The following PCDH7 variants were observed in gnomAD, a reference collection of about 807,000 sequenced individuals.
The protein encoded by PCDH7 is protocadherin-7.
Under a neutral mutation model 58.9 loss-of-function variants are expected in PCDH7, and 17 were observed. That is an observed-to-expected ratio of 0.29 (90% confidence interval 0.20 to 0.43). PCDH7 has a LOEUF of 0.43. Ranked by LOEUF, PCDH7 falls within the 20% of genes least tolerant of loss-of-function variation. The pLI, the probability that PCDH7 is intolerant of heterozygous loss-of-function variation, is 1.00. For missense variants in PCDH7, 1,274 were observed against 1,441.0 expected, an observed-to-expected ratio of 0.88 and a Z score of 1.88; for synonymous variants, 664 against 616.4, an observed-to-expected ratio of 1.08 and a Z score of -1.14.
At chr4:31,056,518 G>GAAAGAAAGAAAGA (rs1560608945) in intron 3 of PCDH7, among the ~76,000 whole-genome samples, 3 of 74,936 alleles carry the variant, frequency 4.0e-5, no homozygotes, top group East Asian at 7.0e-4. Context: ...AGAAAGAAAG[G>GAAAGAAAGAAAGA]GGAAGGGAAG....
At chr4:31,055,217 T>C (rs1268553366) in intron 3 of PCDH7, among the ~76,000 whole-genome samples, 1 of 152,154 alleles carries the variant, frequency 6.6e-6, no homozygotes, top group Admixed American at 6.6e-5. Context: ...AACCTCCTCC[T>C]GCACAGAAAA....
chr4:30,926,345 C>T (rs60680305), intron 2 of PCDH7, among the ~76,000 whole-genome samples: 1,639 of 152,074 alleles, frequency 0.011, 25 homozygotes, highest in African/African-American at 0.038. Flanking sequence ...CCACCACACT[C>T]GGCTAATTTT....
At chr4:31,011,863 T>C (rs1212919150) in intron 3 of PCDH7, among the ~76,000 whole-genome samples, 1 of 152,202 alleles carries the variant, frequency 6.6e-6, no homozygotes, top group Non-Finnish European at 1.5e-5. Context: ...TATACCATAA[T>C]TATTTTTTAA....
downstream of PCDH7, among the ~76,000 whole-genome samples, chr4:30,735,680 G>A (rs1312173546): frequency 6.6e-6 from 1 of 152,162 alleles, no homozygotes; most frequent in Non-Finnish European, 1.5e-5. Context: ...TAGCTTAGAA[G>A]ACTGAGACTT....
intron 3 of PCDH7, among the ~76,000 whole-genome samples, chr4:31,013,850 A>G (rs541432499): frequency 7.0e-4 from 107 of 152,270 alleles, no homozygotes; most frequent in African/African-American, 2.5e-3. Flanking sequence ...GTCACATAGA[A>G]TTCCATTCTG....
rs368715084 is a variant in PCDH7 at position 31,007,907 on chromosome 4, G to T, written c.*7+57692G>T. Among the ~76,000 whole-genome samples, 8 of 152,084 alleles carry T rather than the reference G, an allele frequency of 5.3e-5. No individual in the cohort carries two copies. In the East Asian group the frequency reaches 1.4e-3, roughly 26 times the overall value. ...AGAATCAGCTTTCTTTTCTTTTACT[G>T]CCTGAACATGCTTTACCCTGAAATC... On this transcript the variant is annotated intron_variant, in intron 3 of 3. Coordinates refer to the PCDH7 transcript ENST00000509759.
chr4:30,830,630 A>G (rs1355988387), intron 1 of PCDH7, among the ~76,000 whole-genome samples: 1 of 151,940 alleles, frequency 6.6e-6, no homozygotes, highest in African/African-American at 2.4e-5. Context: ...CAGTGCTAAC[A>G]CTAATAATAA....
chr4:30,746,943 T>C (rs1351314460), intron 1 of PCDH7, among the ~76,000 whole-genome samples: 1 of 152,208 alleles, frequency 6.6e-6, no homozygotes, highest in Non-Finnish European at 1.5e-5. Context: ...GTCATTTGTG[T>C]CACTGGGTCA....
At chr4:30,756,286 C>G (rs1216129196) in intron 1 of PCDH7, among the ~76,000 whole-genome samples, 1 of 151,952 alleles carries the variant, frequency 6.6e-6, no homozygotes, top group Non-Finnish European at 1.5e-5. Context: ...AGGGATCTTC[C>G]CTCATGACCC....
rs567335950 is a variant in PCDH7 at position 30,757,856 on chromosome 4, G to A, written c.70+33260G>A. ...TCAATAAAAGCTTGTAGAATGATTG[G>A]AGTGATCAGATTAGTGACTGAAAGC... On this transcript the variant is annotated intron_variant, in intron 1 of 3. Transcript: ENST00000509759. Among the ~76,000 whole-genome samples, 210 of 152,302 alleles carry A rather than the reference G, an allele frequency of 1.4e-3. 3 individuals are homozygous for A. Among genetic ancestry groups the A allele is most frequent in the African/African-American group, 4.9e-3 (204 of 41,572 alleles).
At chr4:31,104,692 G>A (rs537966650) in intron 3 of PCDH7, among the ~76,000 whole-genome samples, 16 of 152,250 alleles carry the variant, frequency 1.1e-4, no homozygotes, top group South Asian at 2.1e-4. Context: ...TAAGAGCGAC[G>A]TGGTCTACAT....
chr4:31,067,791 A>G (rs1758215578), intron 3 of PCDH7, among the ~76,000 whole-genome samples: 2 of 152,100 alleles, frequency 1.3e-5, no homozygotes, highest in South Asian at 4.1e-4. Context: ...GAATTTTGAG[A>G]CGTTCATTCT....
chr4:30,757,984 G>T (rs1719536312), intron 1 of PCDH7, among the ~76,000 whole-genome samples: 1 of 152,134 alleles, frequency 6.6e-6, no homozygotes, highest in Non-Finnish European at 1.5e-5. Context: ...TGCTATCACG[G>T]GGAGCTTACA....
intron 1 of PCDH7, among the ~76,000 whole-genome samples, chr4:30,856,438 G>C (rs1007876557): frequency 5.3e-5 from 8 of 151,952 alleles, no homozygotes; most frequent in Non-Finnish European, 1.0e-4. Context: ...AAGAAATACA[G>C]ATTAAACTTT....
At chr4:31,110,696 A>T (rs1437588041) in intron 3 of PCDH7, among the ~76,000 whole-genome samples, 1 of 152,078 alleles carries the variant, frequency 6.6e-6, no homozygotes, top group Non-Finnish European at 1.5e-5. Flanking sequence ...CGGGTGGATC[A>T]CGAGGTCAGG....
At chr4:30,727,724 A>G in intron 1 of PCDH7, among the ~76,000 whole-genome samples, 1 of 151,882 alleles carries the variant, frequency 6.6e-6, no homozygotes. Flanking sequence ...TTTCATTCAT[A>G]ACATAAAGGC....
At chr4:30,863,914 A>G (rs913918167) in intron 1 of PCDH7, among the ~76,000 whole-genome samples, 6 of 152,120 alleles carry the variant, frequency 3.9e-5, no homozygotes, top group Non-Finnish European at 8.8e-5. Context: ...GCTGACTGTA[A>G]CTCAGACATA....
At chr4:31,134,181 G>A (rs1435428583) in intron 3 of PCDH7, among the ~76,000 whole-genome samples, 2 of 152,132 alleles carry the variant, frequency 1.3e-5, no homozygotes, top group Non-Finnish European at 2.9e-5. Context: ...AGTAGAATGG[G>A]CCAGGCACGG....
intron 1 of PCDH7, among the ~76,000 whole-genome samples, chr4:30,852,569 T>C (rs1453743200): frequency 5.3e-5 from 8 of 151,974 alleles, no homozygotes; most frequent in African/African-American, 1.9e-4. Context: ...CTCTTGGTGA[T>C]GAAATCAAAT....
Sources: allele counts gnomAD v4.1 joint callset (sites outside exome capture counted in the v4.1 genomes callset), GRCh38; gene constraint gnomAD v4.1.1; transcripts MANE v1.5; gene names NCBI Gene and HGNC (gene_info 2026-07-23, HGNC 2026-07-21).